Variants in CDYL observed in about 807,000 individuals in gnomAD.
CDYL encodes the protein chromodomain Y like, also known as chromodomain Y-like protein.
Under a neutral mutation model 47.3 loss-of-function variants are expected in CDYL, and 8 were observed. The observed-to-expected ratio is 0.17, with a 90% CI of 0.10 to 0.31. The LOEUF (loss-of-function observed/expected upper bound fraction) is 0.31. CDYL is among the 10% of genes least tolerant of loss of function. The pLI is 1.00. For missense variants in CDYL, 471 were observed against 701.4 expected (o/e 0.67, Z 3.71); for synonymous variants, 266 against 265.0 (o/e 1.00, Z -0.04).
chr6:4,934,278 A>G (rs1758120017), intron 2 of CDYL, among the ~76,000 whole-genome samples: 1 of 152,126 alleles, frequency 6.6e-6, no homozygotes, highest in Admixed American at 6.5e-5. Flanking sequence ...TATCTTTTAT[A>G]TTCTTAGGTT....
chr6:4,803,084 A>G (rs1271531771), intron 1 of CDYL, among the ~76,000 whole-genome samples: 1 of 152,176 alleles, frequency 6.6e-6, no homozygotes, highest in African/African-American at 2.4e-5. Flanking sequence ...GCTAGTTTCA[A>G]GAGCCCTTCA....
chr6:4,774,879 G>C (rs1758396063), upstream of CDYL: 1 of 152,282 alleles, frequency 6.6e-6, no homozygotes, highest in Non-Finnish European at 1.5e-5. Context: ...TGATCCCTGA[G>C]CTGGGAGTTT....
At chr6:4,725,150 G>A (rs1389855030) in intron 2 of CDYL, among the ~76,000 whole-genome samples, 4 of 152,336 alleles carry the variant, frequency 2.6e-5, no homozygotes, top group Middle Eastern at 3.4e-3. Context: ...TAGCTGATTG[G>A]TGTGTTTACA....
intron 1 of CDYL, among the ~76,000 whole-genome samples, chr6:4,805,527 G>A (rs927538948): frequency 2.0e-5 from 3 of 152,140 alleles, no homozygotes; most frequent in African/African-American, 7.2e-5. Context: ...ATGCAATGAT[G>A]GAGGCCTAGA....
intron 1 of CDYL, among the ~76,000 whole-genome samples, chr6:4,807,762 C>T (rs1581179632): frequency 6.6e-6 from 1 of 151,652 alleles, no homozygotes; most frequent in Non-Finnish European, 1.5e-5. Context: ...TGCCACCACA[C>T]CTGACTAATT....
At chr6:4,827,414 G>T (rs1290295624) in intron 1 of CDYL, among the ~76,000 whole-genome samples, 3 of 151,962 alleles carry the variant, frequency 2.0e-5, no homozygotes, top group African/African-American at 7.3e-5. Context: ...ATAATGGATT[G>T]TTTGGATTCC....
At chr6:4,836,169 G>A (rs570682227) in intron 1 of CDYL, 91 of 353,926 alleles carry the variant, frequency 2.6e-4, no homozygotes, top group African/African-American at 8.4e-4. Context: ...TGTCTTCTGC[G>A]TCGCTCACGC....
chr6:4,768,918 C>T lies in CDYL; in HGVS notation c.186+34074C>T, dbSNP rs143936414. Among the ~76,000 whole-genome samples, 462 of 152,260 alleles carry T rather than the reference C, an allele frequency of 3.0e-3. 6 individuals are homozygous for T. The highest frequency in any genetic ancestry group is 0.028 in the Admixed American group (422 of 15,288). On this transcript the variant is annotated intron_variant, in intron 3 of 8. Coordinates refer to the CDYL transcript ENST00000328908. ...ACCTCTGTGGTCTTCCTCCCCCAAACACAAAAGCCCAGTCAAATCATATCA... is the reference window on the plus strand; with the variant it reads ...ACCTCTGTGGTCTTCCTCCCCCAAATACAAAAGCCCAGTCAAATCATATCA...
chr6:4,714,072 C>T (rs1757207298), intron 1 of CDYL: 1 of 152,152 alleles, frequency 6.6e-6, no homozygotes, highest in African/African-American at 2.4e-5. Context: ...CTGTTACCAG[C>T]ACCTTACAGA....
intron 3 of CDYL, among the ~76,000 whole-genome samples, chr6:4,752,674 A>G (rs1458917318): frequency 2.0e-5 from 3 of 152,180 alleles, no homozygotes; most frequent in African/African-American, 7.2e-5. Flanking sequence ...ATCATGGAAT[A>G]TTAGCCCTCA....
chr6:4,716,464 CCCATTGCTCTTTAGT>C (rs1757265602), intron 2 of CDYL, among the ~76,000 whole-genome samples: 1 of 152,058 alleles, frequency 6.6e-6, no homozygotes, highest in Non-Finnish European at 1.5e-5. Flanking sequence ...TTTTGTGTCT[CCCATTGCTCTTTAGT>C]AACTTTTAAT....
intron 4 of CDYL, among the ~76,000 whole-genome samples, chr6:4,942,918 G>T (rs1461633329): frequency 6.6e-6 from 1 of 152,194 alleles, no homozygotes; most frequent in African/African-American, 2.4e-5. Context: ...TTGTTTGCAG[G>T]TCGCATGTCT....
intron 1 of CDYL, among the ~76,000 whole-genome samples, chr6:4,809,268 G>T (rs1759458786): frequency 6.6e-6 from 1 of 152,112 alleles, no homozygotes; most frequent in Non-Finnish European, 1.5e-5. Flanking sequence ...AGCTCTTAAA[G>T]ATCATCTTCA....
chr6:4,946,614 C>T (rs1404192560), intron 5 of CDYL, among the ~76,000 whole-genome samples: 1 of 152,196 alleles, frequency 6.6e-6, no homozygotes, highest in Non-Finnish European at 1.5e-5. Flanking sequence ...CCGGCCCATG[C>T]CCTCTGGAGC....
intron 1 of CDYL, among the ~76,000 whole-genome samples, chr6:4,869,099 AT>A (rs369510791): frequency 0.031 from 4,235 of 138,630 alleles, 86 homozygotes; most frequent in Middle Eastern, 0.066. Context: ...TTTCTTTCTT[AT>A]TTTTTTTTTT....
intron 2 of CDYL, among the ~76,000 whole-genome samples, chr6:4,721,248 G>C (rs9392626): frequency 2.0e-5 from 3 of 151,908 alleles, no homozygotes; most frequent in African/African-American, 4.8e-5. Flanking sequence ...TATGCAGCAC[G>C]TAGTCCTTCT....
At chr6:4,850,637 AAC>A (rs1011627767) in intron 1 of CDYL, among the ~76,000 whole-genome samples, 5 of 152,220 alleles carry the variant, frequency 3.3e-5, no homozygotes, top group African/African-American at 1.2e-4. Flanking sequence ...ATTTTGTGAT[AAC>A]AGTGTGGATC....
At chr6:4,769,965 TTGTGTGTGTGTGTGTGTGTGTGTGTGTG>T (rs58041362) in intron 3 of CDYL, among the ~76,000 whole-genome samples, 2 of 137,816 alleles carry the variant, frequency 1.5e-5, no homozygotes, top group African/African-American at 5.5e-5. Flanking sequence ...CCCGGCTAAT[TTGTGTGTGTGTGTGTGTGTGTGTGTGTG>T]TGTGTGTGTG....
Position 4,892,236 on chromosome 6 carries a change from C to T in CDYL, c.548C>T (p.Ala183Val), listed in dbSNP as rs548377074. Residue 183 changes from alanine (A) to valine (V), a missense_variant, in exon 2 of 7, where the codon GCG becomes GTG. By Grantham distance (64) the Ala-to-Val change is moderately conservative (BLOSUM62 0). This residue lies in a region of CDYL where 311 missense variants were observed against 350.0 expected (regional missense o/e 0.89). Coordinates refer to ENST00000397588, the MANE Select transcript of CDYL (RefSeq NM_004824.4). ...QEDTVAPEVA[A>V]EKPVGALLGP... ...GACACAGTGGCACCCGAAGTGGCAG[C>T]GGAAAAGCCGGTCGGAGCTTTATTG... The T allele has an allele frequency of 2.2e-5, 35 of 1,614,070 alleles. No individual in the cohort carries two copies. The highest frequency in any genetic ancestry group is 5.5e-5 in the South Asian group (5 of 91,092).
Sources: allele counts gnomAD v4.1 joint callset (sites outside exome capture counted in the v4.1 genomes callset), GRCh38; gene constraint gnomAD v4.1.1; regional missense constraint gnomAD v4.1.1; transcripts MANE v1.5; gene names NCBI Gene and HGNC (gene_info 2026-07-23, HGNC 2026-07-21).